DPYD: variants seen among roughly 807,000 people sequenced by gnomAD.
The protein encoded by DPYD is dihydropyrimidine dehydrogenase.
In DPYD, 109 loss-of-function variants were observed where a neutral mutation model predicts 116.2. That is an observed-to-expected ratio of 0.94 (90% CI 0.80 to 1.10). The LOEUF is 1.10. DPYD is among the 50% of genes least tolerant of loss of function. The pLI, the probability that DPYD is intolerant of heterozygous loss-of-function variation, is 0.00. For synonymous variants in DPYD, 440 were observed against 432.0 expected, an observed-to-expected ratio of 1.02 and a Z score of -0.23; for missense variants, 1,302 against 1,254.5, an observed-to-expected ratio of 1.04 and a Z score of -0.57.
intron 6 of DPYD, among the ~76,000 whole-genome samples, chr1:97,694,271 G>A (rs1661179356): frequency 6.6e-6 from 1 of 152,216 alleles, no homozygotes; most frequent in African/African-American, 2.4e-5. Context: ...TAGGGGGTAG[G>A]TGGAAATTAC....
chr1:97,351,185 C>T lies in DPYD; in HGVS notation c.2058+22376G>A, dbSNP rs530727190. Among the ~76,000 whole-genome samples, 19 of 152,084 alleles carry T rather than the reference C, an allele frequency of 1.2e-4. No individual in the cohort carries two copies. In the East Asian group the frequency reaches 2.9e-3, roughly 23 times the overall value. On this transcript the variant is annotated intron_variant, in intron 16 of 22. Coordinates refer to ENST00000370192, the MANE Select transcript of DPYD (RefSeq NM_000110.4). ...ATCTGTTCCTCCCTCTTCTCCAAACCGAGAAGAGAGTAATTAAAAATTAGA... is the reference window on the plus strand; with the variant it reads ...ATCTGTTCCTCCCTCTTCTCCAAACTGAGAAGAGAGTAATTAAAAATTAGA...
At chr1:97,169,792 C>T (rs1656591516) in intron 20 of DPYD, among the ~76,000 whole-genome samples, 1 of 152,098 alleles carries the variant, frequency 6.6e-6, no homozygotes, top group Non-Finnish European at 1.5e-5. Flanking sequence ...GTAACTCTTG[C>T]TGTATGCACA....
intron 20 of DPYD, among the ~76,000 whole-genome samples, chr1:97,158,079 A>C (rs550074176): frequency 8.5e-5 from 13 of 152,078 alleles, no homozygotes; most frequent in Non-Finnish European, 1.8e-4. Context: ...TGAAAAGTAC[A>C]CTGATAGCAA....
chr1:97,647,853 G>A (rs2100834757), intron 8 of DPYD, among the ~76,000 whole-genome samples: 1 of 152,092 alleles, frequency 6.6e-6, no homozygotes, highest in East Asian at 1.9e-4. Context: ...AAAATAAAAA[G>A]TTACTAACTG....
intron 18 of DPYD, among the ~76,000 whole-genome samples, chr1:97,269,712 T>C (rs1048581474): frequency 6.6e-6 from 1 of 152,128 alleles, no homozygotes; most frequent in African/African-American, 2.4e-5. Context: ...AGCTCTGATA[T>C]CTCTTCCTCT....
intron 12 of DPYD, among the ~76,000 whole-genome samples, chr1:97,519,005 A>T (rs1435712372): frequency 6.6e-6 from 1 of 152,156 alleles, no homozygotes; most frequent in East Asian, 1.9e-4. Context: ...GGAGAATTAC[A>T]TCTCAGAATC....
At chr1:97,482,688 T>C (rs1678390462) in intron 13 of DPYD, among the ~76,000 whole-genome samples, 1 of 152,164 alleles carries the variant, frequency 6.6e-6, no homozygotes, top group Admixed American at 6.5e-5. Context: ...AAGAGAACAG[T>C]TAGCATTTCT....
intron 1 of DPYD, among the ~76,000 whole-genome samples, chr1:97,891,994 T>A (rs1232923964): frequency 6.6e-6 from 1 of 151,878 alleles, no homozygotes; most frequent in Non-Finnish European, 1.5e-5. Flanking sequence ...AAACTAAGTT[T>A]TGTCTTATTT....
chr1:97,364,554 A>C (rs567176684), intron 16 of DPYD, among the ~76,000 whole-genome samples: 1 of 152,318 alleles, frequency 6.6e-6, no homozygotes, highest in East Asian at 1.9e-4. Context: ...TGGAGAGTAC[A>C]TATATTCATT....
intron 20 of DPYD, among the ~76,000 whole-genome samples, chr1:97,115,760 A>T (rs189677010): frequency 3.2e-4 from 49 of 152,288 alleles, no homozygotes; most frequent in African/African-American, 1.2e-3. Flanking sequence ...TCAAATCGTA[A>T]TTTAGAATGG....
chr1:97,820,582 A>G (rs1266573678), intron 3 of DPYD, among the ~76,000 whole-genome samples: 4 of 152,226 alleles, frequency 2.6e-5, no homozygotes, highest in Non-Finnish European at 5.9e-5. Context: ...ATGCACCTAC[A>G]AATAGTATAC....
intron 20 of DPYD, among the ~76,000 whole-genome samples, chr1:97,111,527 G>A (rs1219896473): frequency 6.7e-6 from 1 of 150,322 alleles, no homozygotes; most frequent in African/African-American, 2.4e-5. Context: ...TTGCATAGTT[G>A]GATCCTTCAC....
intron 3 of DPYD, among the ~76,000 whole-genome samples, chr1:97,818,121 A>G (rs1379628330): frequency 6.6e-6 from 1 of 151,970 alleles, no homozygotes; most frequent in East Asian, 1.9e-4. Context: ...GCTGTTGCCA[A>G]TGCTGTTGTT....
At chr1:97,334,138 G>T (rs1669168377) in intron 16 of DPYD, among the ~76,000 whole-genome samples, 1 of 152,072 alleles carries the variant, frequency 6.6e-6, no homozygotes. Flanking sequence ...AGAAGGTCTT[G>T]GGACATATCC....
intron 8 of DPYD, among the ~76,000 whole-genome samples, chr1:97,622,779 G>T (rs1389452659): frequency 6.6e-6 from 1 of 152,134 alleles, no homozygotes; most frequent in South Asian, 2.1e-4. Context: ...AGACTAAGTT[G>T]CATGAAGTAT....
intron 13 of DPYD, among the ~76,000 whole-genome samples, chr1:97,479,490 T>G (rs1678178673): frequency 6.6e-6 from 1 of 152,192 alleles, no homozygotes; most frequent in South Asian, 2.1e-4. Context: ...TGGTTTGTGG[T>G]GCTCCAAAGC....
chr1:97,623,852 T>C (rs1656771941), intron 8 of DPYD, among the ~76,000 whole-genome samples: 1 of 152,020 alleles, frequency 6.6e-6, no homozygotes, highest in Non-Finnish European at 1.5e-5. Context: ...AACTGATTTT[T>C]GACAAAGGTG....
At chr1:97,449,745 T>C (rs909240128) in intron 14 of DPYD, among the ~76,000 whole-genome samples, 2 of 152,196 alleles carry the variant, frequency 1.3e-5, no homozygotes, top group African/African-American at 4.8e-5. Context: ...GGTCATCACC[T>C]TCATAAATAC....
chr1:97,390,029 A>G (rs1250356748), intron 14 of DPYD, among the ~76,000 whole-genome samples: 1 of 152,136 alleles, frequency 6.6e-6, no homozygotes, highest in East Asian at 1.9e-4. Flanking sequence ...GAATTTCATT[A>G]AAGTTTACAC....
Sources: gnomAD v4.1 joint callset for allele counts (sites outside exome capture counted in the v4.1 genomes callset) on GRCh38, gnomAD v4.1.1 for gene constraint, MANE v1.5 for transcripts, NCBI Gene and HGNC (gene_info 2026-07-23, HGNC 2026-07-21) for gene names.